SORBS2: variants seen among roughly 807,000 people sequenced by gnomAD.
SORBS2 encodes sorbin and SH3 domain-containing protein 2.
In SORBS2, 46 loss-of-function variants were observed where a neutral mutation model predicts 97.7. The observed-to-expected ratio is 0.47, with a 90% CI of 0.37 to 0.60. The LOEUF is 0.60. Ranked by LOEUF, SORBS2 falls within the 20% of genes least tolerant of loss-of-function variation. The pLI is 0.00. For missense variants in SORBS2, 1,316 were observed against 1,282.3 expected (o/e 1.03, Z -0.40); for synonymous variants, 476 against 473.4 (o/e 1.01, Z -0.07).
At chr4:185,894,137 C>T (rs116214247) in intron 1 of SORBS2, among the ~76,000 whole-genome samples, 3,910 of 152,146 alleles carry the variant, frequency 0.026, 80 homozygotes, top group South Asian at 0.048. Flanking sequence ...TAAAATATTC[C>T]GGTTTCTTTC....
In SORBS2 at chr4:185,864,090, T is replaced by C. The variant is rs112546112; in HGVS notation, c.-337-88724A>G. ...GTGTTATAGTTAATTTTAACTCTCT[T>C]ATCAATAAGCAGATGCCTTTTCAAG... On this transcript the variant is annotated intron_variant, in intron 1 of 20. Coordinates refer to the SORBS2 transcript ENST00000284776. 1.4e-4 allele frequency among the ~76,000 whole-genome samples: 21 copies of C among 152,346 alleles called. 1 individual carries two copies. Among genetic ancestry groups the C allele is most frequent in the African/African-American group, 5.1e-4 (21 of 41,574 alleles).
At chr4:185,676,960 A>C (rs1048531848) in intron 4 of SORBS2, 2 of 1,521,210 alleles carry the variant, frequency 1.3e-6, no homozygotes, top group African/African-American at 1.4e-5. Flanking sequence ...TACGATACGC[A>C]TGTATTAATA....
At chr4:185,752,001 G>C (rs990830512) in intron 2 of SORBS2, among the ~76,000 whole-genome samples, 1 of 152,124 alleles carries the variant, frequency 6.6e-6, no homozygotes, top group Non-Finnish European at 1.5e-5. Context: ...AACTGCCATC[G>C]TGTGGGTAGA....
At chr4:185,592,459 T>TATCA (rs1456693660) in intron 13 of SORBS2, among the ~76,000 whole-genome samples, 2 of 152,272 alleles carry the variant, frequency 1.3e-5, no homozygotes, top group Non-Finnish European at 2.9e-5. Flanking sequence ...ATTTATTTTT[T>TATCA]ATCATGTGAT....
intron 1 of SORBS2, among the ~76,000 whole-genome samples, chr4:185,827,044 A>ACCACCAT (rs2099200334): frequency 6.7e-6 from 1 of 148,666 alleles, no homozygotes; most frequent in Non-Finnish European, 1.5e-5. Flanking sequence ...CACCATCATC[A>ACCACCAT]CCACCATCAC....
chr4:185,781,487 CCT>C (rs2099028574), intron 1 of SORBS2, among the ~76,000 whole-genome samples: 1 of 152,062 alleles, frequency 6.6e-6, no homozygotes, highest in African/African-American at 2.4e-5. Context: ...AGTGCCATTG[CCT>C]CCAGCCTCTC....
chr4:185,853,701 G>A (rs756580569), intron 1 of SORBS2, among the ~76,000 whole-genome samples: 7 of 152,158 alleles, frequency 4.6e-5, no homozygotes, highest in Non-Finnish European at 8.8e-5. Flanking sequence ...TAAAAGAAAT[G>A]CATAAAATAT....
chr4:185,649,773 T>A, intron 2 of SORBS2, 117 bp from the exon 12 acceptor site: 1 of 557,300 alleles, frequency 1.8e-6, no homozygotes, highest in Non-Finnish European at 2.9e-6. Flanking sequence ...TTATTATCAA[T>A]AAGCATATTC....
At chr4:185,689,925 G>A (rs2098059260) in intron 2 of SORBS2, among the ~76,000 whole-genome samples, 1 of 152,156 alleles carries the variant, frequency 6.6e-6, no homozygotes, top group African/African-American at 2.4e-5. Flanking sequence ...TCAAGGTGGG[G>A]GGAAGGCAAA....
intron 2 of SORBS2, among the ~76,000 whole-genome samples, chr4:185,741,052 T>C (rs2098721832): frequency 6.6e-6 from 1 of 152,124 alleles, no homozygotes; most frequent in Admixed American, 6.5e-5. Flanking sequence ...CAGCCTAGCA[T>C]GCACTGATTC....
intron 1 of SORBS2, among the ~76,000 whole-genome samples, chr4:185,868,159 C>CTTTCT (rs59057506): frequency 8.6e-5 from 9 of 105,222 alleles, no homozygotes; most frequent in African/African-American, 2.3e-4. Context: ...TTTTTTCTTT[C>CTTTCT]TTTTTTTTTT....
At chr4:185,840,175 A>G (rs1014420462) in intron 1 of SORBS2, among the ~76,000 whole-genome samples, 1 of 152,198 alleles carries the variant, frequency 6.6e-6, no homozygotes, top group East Asian at 1.9e-4. Context: ...TTGTGGATGA[A>G]CAGGGGTTGT....
chr4:185,637,530 A>G (rs1016944603), intron 4 of SORBS2, among the ~76,000 whole-genome samples: 2 of 152,078 alleles, frequency 1.3e-5, no homozygotes, highest in African/African-American at 4.8e-5. Flanking sequence ...AGAGATTTTC[A>G]TTTTTCTTTA....
exon 14 of SORBS2, chr4:185,589,749 T>C (rs376871964): frequency 6.2e-7 from 1 of 1,611,630 alleles, no homozygotes; most frequent in African/African-American, 1.3e-5. Flanking sequence ...CCAGCTCATC[T>C]TCATTCCTGG....
Position 185,589,839 on chromosome 4 carries a change from A to G in SORBS2, c.2847-54T>C, listed in dbSNP as rs917522620. The G allele has an allele frequency of 1.3e-5, 12 of 935,708 alleles. No homozygotes were observed. The African/African-American group carries it at 1.3e-4, about 10-fold the overall frequency. 58.0% of individuals were successfully genotyped at this position (935,708 alleles called of 1,614,324 possible). On this transcript the variant is annotated intron_variant, in intron 13 of 14. Transcript: ENST00000418609. ...AAACATCTTGACACCTTCATGAAAT[A>G]TAGAAGATAGAACAATATTCATTCT...
chr4:185,767,185 G>C (rs990729317), intron 2 of SORBS2, among the ~76,000 whole-genome samples: 1 of 151,998 alleles, frequency 6.6e-6, no homozygotes, highest in Non-Finnish European at 1.5e-5. Flanking sequence ...CTGGACCAAT[G>C]GTTTTCTTGT....
intron 4 of SORBS2, 35 bp from the exon 8 acceptor site, chr4:185,662,277 C>T (rs1434612771): frequency 3.2e-6 from 5 of 1,561,680 alleles, no homozygotes; most frequent in African/African-American, 2.7e-5. Flanking sequence ...GTTAAATTAG[C>T]ACATAGTTCC....
chr4:185,818,820 T>A (rs532538997), intron 1 of SORBS2, among the ~76,000 whole-genome samples: 2 of 134,370 alleles, frequency 1.5e-5, no homozygotes, highest in East Asian at 6.3e-4. Context: ...AGCGAGACTC[T>A]GTCTCAAAAA....
At chr4:185,833,386 G>T (rs2099206189) in intron 1 of SORBS2, among the ~76,000 whole-genome samples, 1 of 152,196 alleles carries the variant, frequency 6.6e-6, no homozygotes, top group Non-Finnish European at 1.5e-5. Context: ...ATGGTATCAT[G>T]TACATGGCTC....
Sources: allele counts gnomAD v4.1 joint callset (sites outside exome capture counted in the v4.1 genomes callset), GRCh38; gene constraint gnomAD v4.1.1; transcripts MANE v1.5; gene names NCBI Gene and HGNC (gene_info 2026-07-23, HGNC 2026-07-21).